The following TRANK1 variants were observed in gnomAD, a reference collection of about 807,000 sequenced individuals.
TRANK1 encodes tetratricopeptide repeat and ankyrin repeat containing 1, also known as TPR and ankyrin repeat-containing protein 1.
Under a neutral mutation model 266.0 loss-of-function variants are expected in TRANK1, and 198 were observed. The observed-to-expected ratio is 0.74, with a 90% confidence interval of 0.66 to 0.84. The LOEUF (loss-of-function observed/expected upper bound fraction) is 0.84. TRANK1 is among the 40% of genes least tolerant of loss of function. The pLI is 0.00. For missense variants in TRANK1, 3,326 were observed against 3,634.6 expected (o/e 0.92, Z 2.18); for synonymous variants, 1,396 against 1,384.1 (o/e 1.01, Z -0.19).
At position 36,832,491 on chromosome 3, in the gene TRANK1, A is replaced by C. The variant is rs763209644; in HGVS notation, c.7092T>G (p.Ala2364=). The C allele has an allele frequency of 7.4e-6, 12 of 1,613,442 alleles. No homozygotes were observed. The highest frequency in any genetic ancestry group is 1.7e-6 in the Non-Finnish European group (2 of 1,179,858). ...CCCTTTCATCCTTTTCAGACTCTAG[A>C]GCTTTGAGTTCCCTGTTGTAGTTGT... ...EEDNYNRELK[A]LESEKDERGR... Residue 2364 remains alanine (A), a synonymous_variant, in exon 22 of 24, where the codon GCT becomes GCG. Transcript: ENST00000645898.
intron 18 of TRANK1, among the ~76,000 whole-genome samples, chr3:36,840,747 C>A (rs916316433): frequency 6.6e-6 from 1 of 152,198 alleles, no homozygotes; most frequent in South Asian, 2.1e-4. Flanking sequence ...CCCCTGTCCC[C>A]CCGGTCCCCT....
intron 1 of TRANK1, among the ~76,000 whole-genome samples, chr3:36,918,503 GAAA>G (rs2080159897): frequency 1.0e-4 from 4 of 39,360 alleles, no homozygotes; most frequent in African/African-American, 4.8e-4. Context: ...AAGAAAGAAA[GAAA>G]GAAAGAAAGA....
At chr3:36,846,543 T>A in intron 16 of TRANK1, 139 bp from the exon 17 acceptor site, 1 of 770,662 alleles carries the variant, frequency 1.3e-6, no homozygotes. Flanking sequence ...GAGAACAGGA[T>A]ACCAGGAGCT....
At chr3:36,918,499 GAAAGAAAGAAA>G (rs1559473091) in intron 1 of TRANK1, among the ~76,000 whole-genome samples, 2 of 28,572 alleles carry the variant, frequency 7.0e-5, no homozygotes, top group South Asian at 1.1e-3. Context: ...AAGAAAGAAA[GAAAGAAAGAAA>G]GAAAGAAAGA....
chr3:36,840,153 A>G (rs939027278), intron 18 of TRANK1, among the ~76,000 whole-genome samples: 7 of 151,958 alleles, frequency 4.6e-5, no homozygotes, highest in African/African-American at 1.5e-4. Context: ...AAGATTTTAT[A>G]TAGTTTTCCA....
chr3:36,909,857 A>G (rs558986010), intron 1 of TRANK1, among the ~76,000 whole-genome samples: 1 of 152,232 alleles, frequency 6.6e-6, no homozygotes, highest in Admixed American at 6.5e-5. Context: ...TTCATGTAGT[A>G]ATCTCTAAAT....
intron 8 of TRANK1, among the ~76,000 whole-genome samples, chr3:36,878,653 T>A (rs2125581450): frequency 6.6e-6 from 1 of 151,980 alleles, no homozygotes; most frequent in Admixed American, 6.6e-5. Context: ...AAAAAACACT[T>A]ATCAGGTACT....
At chr3:36,845,793 T>C (rs2078906217) in intron 17 of TRANK1, among the ~76,000 whole-genome samples, 1 of 152,216 alleles carries the variant, frequency 6.6e-6, no homozygotes, top group African/African-American at 2.4e-5. Flanking sequence ...TTGTTTTTAG[T>C]TTCTTGTAAC....
intron 2 of TRANK1, among the ~76,000 whole-genome samples, chr3:36,905,588 C>T (rs1256284820): frequency 6.6e-6 from 1 of 152,162 alleles, no homozygotes; most frequent in East Asian, 1.9e-4. Flanking sequence ...CCAGTCTGTG[C>T]TATTTTGTTA....
At position 36,841,860 on chromosome 3, in the gene TRANK1, A is replaced by G. The variant is rs191221894; in HGVS notation, c.5280+762T>C. ...GCCCATGTTGACTTTGTTGAACTGC[A>G]GAACCAACCCTAAGACCTGACTTGT... On this transcript the variant is annotated intron_variant, in intron 18 of 23. Transcript: ENST00000645898. 4.0e-3 allele frequency among the ~76,000 whole-genome samples: 610 copies of G among 152,120 alleles called. 1 individual carries two copies. The highest frequency in any genetic ancestry group is 0.014 in the African/African-American group (587 of 41,432).
At chr3:36,910,780 G>T (rs1456595950) in intron 1 of TRANK1, among the ~76,000 whole-genome samples, 4 of 151,110 alleles carry the variant, frequency 2.6e-5, no homozygotes, top group Non-Finnish European at 5.9e-5. Flanking sequence ...TGTTGCAAAA[G>T]ACCCAGTGCG....
intron 18 of TRANK1, among the ~76,000 whole-genome samples, chr3:36,841,237 T>C (rs1181620711): frequency 4.6e-5 from 7 of 152,210 alleles, no homozygotes; most frequent in Non-Finnish European, 1.0e-4. Context: ...TGCAAAACAT[T>C]TGTTCCAAAG....
chr3:36,856,161 C>T lies in TRANK1; in HGVS notation c.3561G>A (p.Leu1187=). 6.2e-7 allele frequency: 1 copy of T among 1,613,914 alleles called. No individual in the cohort carries two copies. Among genetic ancestry groups the T allele is most frequent in the African/African-American group, 1.3e-5 (1 of 75,014 alleles). The stretch of plus-strand genomic sequence containing the variant: ...TCACAAAGATCTGATGTAAATGCTC[C>T]AGCTGGTGGGGATGTTCTGGTGCAC... The part of the protein sequence containing the change: ...EVCAPEHPHQ[L]EHLHQIFVTK... The change falls in exon 13 of 24, where the codon CTG becomes CTA. Residue 1187 remains leucine (L), a synonymous_variant. Coordinates refer to ENST00000645898, the MANE Select transcript of TRANK1 (RefSeq NM_001329998.2).
intron 1 of TRANK1, among the ~76,000 whole-genome samples, chr3:36,929,846 G>A (rs1204689240): frequency 1.3e-5 from 2 of 152,188 alleles, no homozygotes; most frequent in African/African-American, 4.8e-5. Flanking sequence ...GAGTCAGACA[G>A]GCTCATGGAA....
In TRANK1 at chr3:36,860,362, G is replaced by A. The variant is rs1023666280; in HGVS notation, c.1495+544C>T. On this transcript the variant is annotated intron_variant, in intron 11 of 23. Coordinates refer to ENST00000645898, the MANE Select transcript of TRANK1 (RefSeq NM_001329998.2). ...TTTCTAAATCAGCTTGGAAATAAAA[G>A]CCAATTCAGCAAGATGTCTGCACAC... Among the ~76,000 whole-genome samples the A allele has an allele frequency of 5.3e-5, 8 of 152,154 alleles. No homozygotes were observed. The South Asian group carries it at 1.7e-3, about 32-fold the overall frequency.
intron 8 of TRANK1, among the ~76,000 whole-genome samples, chr3:36,888,460 A>C (rs550499538): frequency 3.9e-5 from 6 of 152,376 alleles, no homozygotes; most frequent in Admixed American, 1.3e-4. Context: ...TGTACACTTT[A>C]AACAGGTAAA....
At chr3:36,923,919 C>G (rs1029050910) in intron 1 of TRANK1, among the ~76,000 whole-genome samples, 2 of 152,196 alleles carry the variant, frequency 1.3e-5, no homozygotes, top group African/African-American at 2.4e-5. Flanking sequence ...AAAGGGTGAA[C>G]AGGGCTGGCT....
chr3:36,892,252 G>A lies in TRANK1; in HGVS notation c.725C>T (p.Thr242Ile). 1.3e-6 allele frequency: 2 copies of A among 1,537,194 alleles called. No individual in the cohort carries two copies. Among genetic ancestry groups the A allele is most frequent in the Non-Finnish European group, 1.7e-6 (2 of 1,146,898 alleles). ...GGCATGAAGGGGATACGGTCCTATA[G>A]TCTCAACACTTGCACCAATGGAGAT... ...WLISIGASVE[T>I]IGPYPLHALM... The change falls in exon 7 of 24, where the codon ACT becomes ATT. Residue 242 changes from threonine (T) to isoleucine (I), a missense_variant. Transcript: ENST00000645898.
In TRANK1 at chr3:36,831,620, T is replaced by C. The variant is rs747642889; in HGVS notation, c.7963A>G (p.Thr2655Ala). The C allele has an allele frequency of 6.2e-7, 1 of 1,613,862 alleles. No homozygotes were observed. The highest frequency in any genetic ancestry group is 2.2e-5 in the East Asian group (1 of 44,864). Reference sequence around the variant, plus strand: ...AGGCCACGGACTATGGACCCTTTGGTGTGCACAGGGTCCCACCGCCAGTCA... The same window carrying C: ...AGGCCACGGACTATGGACCCTTTGGCGTGCACAGGGTCCCACCGCCAGTCA... ...DCDWRWDPVH[T>A]KGSIVRGLYY... Residue 2655 changes from threonine (T) to alanine (A), a missense_variant, in exon 22 of 24, where the codon ACC becomes GCC. Coordinates refer to ENST00000645898, the MANE Select transcript of TRANK1 (RefSeq NM_001329998.2). This position sits in a 1 kb window ranked among gnomAD's most constrained non-coding sequence, Gnocchi z 5.0.
Sources: allele counts gnomAD v4.1 joint callset (sites outside exome capture counted in the v4.1 genomes callset), GRCh38; gene constraint gnomAD v4.1.1; non-coding constraint Gnocchi (gnomAD v3.1); transcripts MANE v1.5; gene names NCBI Gene and HGNC (gene_info 2026-07-23, HGNC 2026-07-21).